FLT1: variants seen among roughly 807,000 people sequenced by gnomAD.
The protein encoded by FLT1 is fms related receptor tyrosine kinase 1.
In FLT1, 49 loss-of-function variants were observed where a neutral mutation model predicts 156.3. The ratio of observed to expected loss-of-function variants is 0.31; its 90% CI spans 0.25 to 0.40. The LOEUF (loss-of-function observed/expected upper bound fraction) is 0.40, where lower values mean the gene tolerates loss of function less well. Ranked by LOEUF, FLT1 falls within the 10% of genes least tolerant of loss-of-function variation. FLT1 has a pLI of 1.00. For synonymous variants in FLT1, 594 were observed against 583.8 expected (o/e 1.02, Z -0.25); for missense variants, 1,322 against 1,637.2 (o/e 0.81, Z 3.32).
chr13:28,355,947 G>T (rs1276411482), intron 15 of FLT1, among the ~76,000 whole-genome samples: 2 of 152,188 alleles, frequency 1.3e-5, no homozygotes, highest in Non-Finnish European at 2.9e-5. Flanking sequence ...AAAAAGGAAG[G>T]AAGTCAAGAC....
In FLT1 at chr13:28,434,198, G is replaced by C. The variant is rs1215897277; in HGVS notation, c.536C>G (p.Pro179Arg). 2.5e-6 allele frequency: 4 copies of C among 1,613,938 alleles called. No individual in the cohort carries two copies. Among genetic ancestry groups the C allele is most frequent in the Non-Finnish European group, 3.4e-6 (4 of 1,180,014 alleles). Residue 179 changes from proline (P) to arginine (R), a missense_variant, in exon 5 of 30, where the codon CCT becomes CGT. Physicochemically the swap from Pro to Arg is moderately radical, Grantham distance 103. Transcript: ENST00000282397. ...LKKFPLDTLI[P>R]DGKRIIWDSR... is the part of the protein sequence containing the mutation. ...GTCCCAGATTATGCGTTTTCCATCA[G>C]GGATCAAAGTGTCAAGTGGAAACTG...
chr13:28,392,422 A>G (rs1874793667), intron 12 of FLT1, among the ~76,000 whole-genome samples: 1 of 152,242 alleles, frequency 6.6e-6, no homozygotes, highest in South Asian at 2.1e-4. Context: ...TCAGCCATCA[A>G]CTTTTACACA....
chr13:28,412,350 C>CTTTTCTTTCTTTTT (rs71086853), intron 10 of FLT1, among the ~76,000 whole-genome samples: 1 of 93,708 alleles, frequency 1.1e-5, no homozygotes, highest in Non-Finnish European at 2.3e-5. Flanking sequence ...TTCTTTCTTT[C>CTTTTCTTTCTTTTT]TCTTTCTTTC....
At chr13:28,345,602 T>C in intron 15 of FLT1, 51 bp from the exon 16 acceptor site, 1 of 1,124,398 alleles carries the variant, frequency 8.9e-7, no homozygotes, top group Non-Finnish European at 1.3e-6. Context: ...ATTCCCAAAC[T>C]CAGAATCTTT....
chr13:28,382,871 TC>T, intron 14 of FLT1, among the ~76,000 whole-genome samples: 1 of 152,218 alleles, frequency 6.6e-6, no homozygotes, highest in South Asian at 2.1e-4. Flanking sequence ...GAGTGTAAGG[TC>T]TCTCTAAGAC....
intron 10 of FLT1, among the ~76,000 whole-genome samples, chr13:28,421,515 T>A (rs1418100237): frequency 6.9e-6 from 1 of 143,988 alleles, no homozygotes; most frequent in African/African-American, 2.6e-5. Flanking sequence ...TTGGCCCCAA[T>A]GGTGGAGGAG....
intron 1 of FLT1, among the ~76,000 whole-genome samples, chr13:28,480,026 G>A (rs892877675): frequency 5.9e-5 from 9 of 152,168 alleles, no homozygotes; most frequent in African/African-American, 9.7e-5. Flanking sequence ...GCCCAATGCC[G>A]AAGCTGCTCC....
At chr13:28,354,478 C>T (rs532711765) in intron 15 of FLT1, among the ~76,000 whole-genome samples, 1 of 152,262 alleles carries the variant, frequency 6.6e-6, no homozygotes, top group South Asian at 2.1e-4. Context: ...TAAACTATTT[C>T]AAGAAAACAA....
chr13:28,465,839 A>AAAACAAACAAAC (rs10673633), intron 3 of FLT1, among the ~76,000 whole-genome samples: 7 of 151,906 alleles, frequency 4.6e-5, no homozygotes, highest in African/African-American at 1.5e-4. Context: ...CCATCTCAAA[A>AAAACAAACAAAC]AAACAAACAA....
chr13:28,437,818 C>T (rs1249171472), intron 4 of FLT1, among the ~76,000 whole-genome samples: 3 of 152,112 alleles, frequency 2.0e-5, no homozygotes, highest in Non-Finnish European at 4.4e-5. Context: ...CAGAACATAT[C>T]GATGCCTGGA....
At chr13:28,308,121 T>G (rs1417493341) in intron 28 of FLT1, among the ~76,000 whole-genome samples, 2 of 152,184 alleles carry the variant, frequency 1.3e-5, no homozygotes, top group Admixed American at 6.5e-5. Context: ...CCTAGGGATC[T>G]TGCCAAGGTG....
chr13:28,368,564 G>A (rs1202910711), intron 14 of FLT1: 4 of 1,488,170 alleles, frequency 2.7e-6, no homozygotes, highest in African/African-American at 2.8e-5. Flanking sequence ...TGATGATGAT[G>A]ATAATGATGA....
At chr13:28,378,547 T>C (rs965648282) in intron 14 of FLT1, among the ~76,000 whole-genome samples, 1 of 152,142 alleles carries the variant, frequency 6.6e-6, no homozygotes, top group African/African-American at 2.4e-5. Context: ...ATTCTTCTGG[T>C]CTGAACCTTG....
At chr13:28,328,331 G>C (rs1288186594) in intron 19 of FLT1, 1 of 152,322 alleles carries the variant, frequency 6.6e-6, no homozygotes, top group African/African-American at 2.4e-5. Context: ...GGAAGCAAGA[G>C]GGTTGGGAAG....
At chr13:28,396,807 T>C (rs771382629) in intron 12 of FLT1, 153 bp downstream of exon 12, 11 of 704,468 alleles carry the variant, frequency 1.6e-5, no homozygotes, top group South Asian at 1.3e-4. Flanking sequence ...GGTAGAATTC[T>C]ATTCCTGAGA....
intron 3 of FLT1, among the ~76,000 whole-genome samples, chr13:28,440,923 G>C (rs1878301549): frequency 6.6e-6 from 1 of 152,132 alleles, no homozygotes; most frequent in Admixed American, 6.5e-5. Flanking sequence ...ACAGGAGAGT[G>C]CCCCTCCTCC....
chr13:28,372,597 T>TATATATATATATATAC lies in FLT1; in HGVS notation c.2116+12287_2116+12288insGTATATATATATATAT, dbSNP rs1873666022. Among the ~76,000 whole-genome samples the TATATATATATATATAC allele has an allele frequency of 2.8e-5, 3 of 106,408 alleles. No individual in the cohort carries two copies. The South Asian group carries it at 9.9e-4, about 35-fold the overall frequency. 69.8% of individuals were successfully genotyped at this position (106,408 alleles called of 152,430 possible). The stretch of plus-strand genomic sequence containing the variant: ...ATATATATATATATATATATATATA[T>TATATATATATATATAC]ATATAGCTGGGTGCAGTGGCTCATG... On this transcript the variant is annotated intron_variant, in intron 14 of 29. Transcript: ENST00000282397.
At position 28,352,307 on chromosome 13, in the gene FLT1, G is replaced by C. The variant is rs561121367; in HGVS notation, c.2248+5247C>G. On this transcript the variant is annotated intron_variant, in intron 15 of 29. Coordinates refer to ENST00000282397, the MANE Select transcript of FLT1 (RefSeq NM_002019.4). ...TAGGATTATTGCAAAACTTGAGTAG[G>C]ATTACGGATGTTATGTGCTTAAAAT... 1.2e-4 allele frequency among the ~76,000 whole-genome samples: 19 copies of C among 152,244 alleles called. No homozygotes were observed. In the South Asian group the frequency reaches 1.5e-3, roughly 12 times the overall value.
At chr13:28,469,470 C>T (rs1180364835) in intron 1 of FLT1, among the ~76,000 whole-genome samples, 1 of 152,172 alleles carries the variant, frequency 6.6e-6, no homozygotes, top group Non-Finnish European at 1.5e-5. Context: ...ATGACCTTGG[C>T]ATCACTTAAT....
Sources: allele counts gnomAD v4.1 joint callset (sites outside exome capture counted in the v4.1 genomes callset), GRCh38; gene constraint gnomAD v4.1.1; transcripts MANE v1.5; gene names NCBI Gene and HGNC (gene_info 2026-07-23, HGNC 2026-07-21).